The following PRRC2C variants were observed in gnomAD, a reference collection of about 807,000 sequenced individuals.
The protein encoded by PRRC2C is proline rich coiled-coil 2C.
Under a neutral mutation model 317.2 loss-of-function variants are expected in PRRC2C, and 72 were observed. That is an observed-to-expected ratio of 0.23 (90% CI 0.19 to 0.28). PRRC2C has a LOEUF of 0.28. Among genes scored for constraint, PRRC2C ranks in the 10% least tolerant of loss-of-function variants. The pLI is 1.00. For missense variants in PRRC2C, 3,074 were observed against 3,459.7 expected (o/e 0.89, Z 2.80); for synonymous variants, 1,296 against 1,205.9 (o/e 1.07, Z -1.55).
chr1:171,557,747 G>T lies in PRRC2C; in HGVS notation c.5635G>T (p.Ala1879Ser), dbSNP rs1039614479. The T allele has an allele frequency of 6.4e-7, 1 of 1,550,934 alleles. No homozygotes were observed. Among genetic ancestry groups the T allele is most frequent in the South Asian group, 1.2e-5 (1 of 84,028 alleles). Residue 1879 changes from alanine to serine, a missense_variant, in exon 19 of 35, where the codon GCC becomes TCC. Transcript: ENST00000647382. ...ALASTSAPTP[A>S]PAASSPAAPV... ...AGCATCAACTTCAGCTCCAACGCCAGCCCCAGCAGCCTCTTCCCCAGCTGC... is the reference window on the plus strand; with the variant it reads ...AGCATCAACTTCAGCTCCAACGCCATCCCCAGCAGCCTCTTCCCCAGCTGC...
rs182881600 is a variant in PRRC2C at position 171,567,163 on chromosome 1, A to T, written c.6558+320A>T. Among the ~76,000 whole-genome samples, 3 of 152,322 alleles carry T rather than the reference A, an allele frequency of 2.0e-5. No individual in the cohort carries two copies. In the East Asian group the frequency reaches 5.8e-4, roughly 29 times the overall value. On this transcript the variant is annotated intron_variant, in intron 22 of 34. Coordinates refer to ENST00000647382, the MANE Select transcript of PRRC2C (RefSeq NM_001387844.1). ...TTTAATATAAATAGAATTACAGTAG[A>T]GCTTTATCTTGCCCACTGGTGACAT...
intron 16 of PRRC2C, among the ~76,000 whole-genome samples, chr1:171,544,732 A>C (rs913415895): frequency 6.6e-6 from 1 of 152,238 alleles, no homozygotes; most frequent in African/African-American, 2.4e-5. Context: ...AGTGACGATT[A>C]TAATTAAATG....
At position 171,591,680 on chromosome 1, in the gene PRRC2C, G is replaced by A; in HGVS notation, c.8530G>A (p.Val2844Met). Reference protein sequence around the residue: ...KQIGGGKAQKVDSDSSKPPET... With the variant: ...KQIGGGKAQKMDSDSSKPPET... ...GATAGGAGGAGGCAAAGCCCAGAAAGTGGACAGTGATTCAAGTAAACCTCC... is the reference window on the plus strand; with the variant it reads ...GATAGGAGGAGGCAAAGCCCAGAAAATGGACAGTGATTCAAGTAAACCTCC... The change falls in exon 35 of 35, where the codon GTG becomes ATG. Residue 2844 changes from valine (V) to methionine (M), a missense_variant. Around this residue, in one of 11 missense-constraint regions of PRRC2C, gnomAD observed 78 missense variants for 97.7 expected, o/e 0.80. Coordinates refer to ENST00000647382, the MANE Select transcript of PRRC2C (RefSeq NM_001387844.1). 2 of 1,613,940 alleles carry A rather than the reference G, an allele frequency of 1.2e-6. No individual in the cohort carries two copies. The highest frequency in any genetic ancestry group is 1.7e-6 in the Non-Finnish European group (2 of 1,179,872).
chr1:171,547,633 C>CTTTTTTTTTTTTTTTTTTT (rs35480518), intron 17 of PRRC2C, among the ~76,000 whole-genome samples: 2 of 129,840 alleles, frequency 1.5e-5, no homozygotes, highest in Non-Finnish European at 3.2e-5. Flanking sequence ...AGTTTCCCTT[C>CTTTTTTTTTTTTTTTTTTT]TTTTTTTTTT....
intron 10 of PRRC2C, among the ~76,000 whole-genome samples, chr1:171,527,175 C>G (rs963009570): frequency 6.6e-6 from 1 of 151,870 alleles, no homozygotes; most frequent in African/African-American, 2.4e-5. Flanking sequence ...CTCTGTCACC[C>G]AGGCTGGAGT....
chr1:171,542,331 C>CAAAAAA (rs1396741212), intron 16 of PRRC2C, 102 bp downstream of exon 16: 2 of 1,044,684 alleles, frequency 1.9e-6, no homozygotes, highest in Non-Finnish European at 2.7e-6. Flanking sequence ...GATAAAGGAC[C>CAAAAAA]AAAAAACATT....
In PRRC2C at chr1:171,557,866, T is replaced by TACCCCAGTCTCAGCCCCA; in HGVS notation, c.5756_5773dup (p.Thr1919_Pro1924dup). ...CAGCTTCAGCCCCAGCCCCAGCCCC[T>TACCCCAGTCTCAGCCCCA]ACCCCAGTCTCAGCCCCAAATCCTG... On this transcript the variant is annotated inframe_insertion, in exon 19 of 35. Transcript: ENST00000647382. The TACCCCAGTCTCAGCCCCA allele has an allele frequency of 2.9e-6, 2 of 685,068 alleles. No individual in the cohort carries two copies. Among genetic ancestry groups the TACCCCAGTCTCAGCCCCA allele is most frequent in the East Asian group, 1.4e-4 (2 of 14,200 alleles). The allele number at this position is 685,068 out of a possible 1,614,324, so 42.4% of individuals were successfully genotyped here.
chr1:171,573,748 G>A (rs139700321), intron 24 of PRRC2C, among the ~76,000 whole-genome samples: 3 of 128,102 alleles, frequency 2.3e-5, no homozygotes, highest in South Asian at 2.5e-4. Context: ...GCGCTATCTC[G>A]GCTCACTGCA....
intron 10 of PRRC2C, among the ~76,000 whole-genome samples, chr1:171,527,009 T>C (rs1174633374): frequency 6.6e-6 from 1 of 151,364 alleles, no homozygotes; most frequent in Non-Finnish European, 1.5e-5. Flanking sequence ...GGTTTCGCCA[T>C]GTTCGCCAGG....
chr1:171,559,473 A>ACAT (rs1335229569), intron 19 of PRRC2C, among the ~76,000 whole-genome samples: 3 of 149,646 alleles, frequency 2.0e-5, no homozygotes, highest in Non-Finnish European at 4.4e-5. Flanking sequence ...AGCCTAGATG[A>ACAT]CATCACATCT....
intron 1 of PRRC2C, among the ~76,000 whole-genome samples, chr1:171,491,310 G>GTT (rs1371697274): frequency 2.0e-5 from 3 of 152,128 alleles, no homozygotes; most frequent in African/African-American, 7.2e-5. Flanking sequence ...GCTATATATG[G>GTT]TTATGCAGCT....
At chr1:171,556,742 A>G (rs1055819227) in intron 18 of PRRC2C, among the ~76,000 whole-genome samples, 1 of 152,260 alleles carries the variant, frequency 6.6e-6, no homozygotes, top group Non-Finnish European at 1.5e-5. Flanking sequence ...TGTAATTTAT[A>G]TTAGTTCATT....
At chr1:171,513,473 T>TA (rs1474730130) in intron 3 of PRRC2C, 2 of 500,782 alleles carry the variant, frequency 4.0e-6, no homozygotes, top group Middle Eastern at 3.0e-4. Flanking sequence ...CCAATATGAT[T>TA]AAGAGTTGAC....
At chr1:171,500,954 A>G (rs1166772186) in intron 1 of PRRC2C, among the ~76,000 whole-genome samples, 2 of 152,198 alleles carry the variant, frequency 1.3e-5, no homozygotes, top group Non-Finnish European at 2.9e-5. Context: ...GGTAGAGTGC[A>G]GTGGCGCCAT....
In PRRC2C at chr1:171,545,607, G is replaced by A; in HGVS notation, c.4892G>A (p.Arg1631Lys). 1 of 1,612,486 alleles carries A rather than the reference G, an allele frequency of 6.2e-7. No individual in the cohort carries two copies. Among genetic ancestry groups the A allele is most frequent in the Non-Finnish European group, 8.5e-7 (1 of 1,179,278 alleles). The change falls in exon 17 of 35, where the codon AGA (arginine) becomes AAA (lysine). Residue 1631 changes from arginine (R) to lysine (K), a missense_variant. Arg to Lys is a conservative substitution (Grantham distance 26). Transcript: ENST00000647382. ...KNSKDSTGKK[R>K]EDPKPGPKKP... ...TCCAAAGATTCTACTGGGAAAAAAA[G>A]AGAAGACCCCAAACCAGGCCCTAAA...
chr1:171,493,149 G>A (rs961587632), intron 1 of PRRC2C, among the ~76,000 whole-genome samples: 10 of 151,886 alleles, frequency 6.6e-5, no homozygotes, highest in African/African-American at 1.9e-4. Flanking sequence ...AGAAGAAGAG[G>A]GCCAATGATA....
At chr1:171,515,926 C>T in intron 5 of PRRC2C, 67 bp downstream of exon 5, 3 of 1,467,332 alleles carry the variant, frequency 2.0e-6, no homozygotes, top group Non-Finnish European at 2.7e-6. Context: ...ATACAACCTC[C>T]TGCTTGCTGT....
At chr1:171,494,752 CCT>C (rs1262117998) in intron 1 of PRRC2C, among the ~76,000 whole-genome samples, 1 of 152,102 alleles carries the variant, frequency 6.6e-6, no homozygotes, top group Non-Finnish European at 1.5e-5. Flanking sequence ...GATTTGGCCT[CCT>C]CTTCACTGCT....
chr1:171,525,577 A>G (rs1292326168), intron 10 of PRRC2C, among the ~76,000 whole-genome samples: 1 of 152,198 alleles, frequency 6.6e-6, no homozygotes, highest in Non-Finnish European at 1.5e-5. Flanking sequence ...TACAAAATAG[A>G]TGGAGGAACT....
Sources: allele counts gnomAD v4.1 joint callset (sites outside exome capture counted in the v4.1 genomes callset), GRCh38; gene constraint gnomAD v4.1.1; regional missense constraint gnomAD v4.1.1; transcripts MANE v1.5; gene names NCBI Gene and HGNC (gene_info 2026-07-23, HGNC 2026-07-21).